RAB31: variants seen among roughly 807,000 people sequenced by gnomAD.
The protein encoded by RAB31 is ras-related protein Rab-31.
In RAB31, 21 loss-of-function variants were observed where a neutral mutation model predicts 25.6. The observed-to-expected ratio is 0.82, with a 90% CI of 0.58 to 1.18. The LOEUF is 1.18. RAB31 is among the 50% of genes most tolerant of loss of function. The probability of loss-of-function intolerance (pLI) is 0.00; values close to 1 mark genes in which losing one functional copy is unlikely to be tolerated. For synonymous variants in RAB31, 87 were observed against 84.0 expected, an observed-to-expected ratio of 1.04 and a Z score of -0.20; for missense variants, 196 against 250.1, an observed-to-expected ratio of 0.78 and a Z score of 1.46.
In RAB31 at chr18:9,792,235, G is replaced by T. The variant is rs1299138415; in HGVS notation, c.201G>T (p.Arg67=). The T allele has an allele frequency of 9.9e-6, 16 of 1,610,346 alleles. No individual in the cohort carries two copies. The highest frequency in any genetic ancestry group is 1.4e-5 in the Non-Finnish European group (16 of 1,178,314). The change falls in exon 3 of 7, where the codon CGG becomes CGT. Residue 67 remains arginine, a splice_region_variant and synonymous_variant. Coordinates refer to ENST00000578921, the MANE Select transcript of RAB31 (RefSeq NM_006868.4). Reference sequence around the variant, plus strand: ...TCTGGGACACTGCTGGTCAGGAACGGGTGAGTATATGCTGTTTTTTGGTGA... The same window carrying T: ...TCTGGGACACTGCTGGTCAGGAACGTGTGAGTATATGCTGTTTTTTGGTGA... The part of the protein sequence containing the change: ...FLIWDTAGQE[R]FHSLAPMYYR...
intron 1 of RAB31, among the ~76,000 whole-genome samples, chr18:9,764,075 C>A (rs2068302147): frequency 6.6e-6 from 1 of 152,134 alleles, no homozygotes; most frequent in African/African-American, 2.4e-5. Context: ...AATAATCATT[C>A]TTTATTTACA....
chr18:9,815,050 T>A, intron 4 of RAB31, 66 bp from the exon 5 acceptor site: 1 of 1,185,128 alleles, frequency 8.4e-7, no homozygotes, highest in South Asian at 1.4e-5. Context: ...TGGGCTTGTA[T>A]TTCTGCTTAG....
chr18:9,747,496 T>C (rs2068211550), intron 1 of RAB31, among the ~76,000 whole-genome samples: 2 of 152,202 alleles, frequency 1.3e-5, no homozygotes. Context: ...CAAATTGTGA[T>C]ATAAACATAC....
At chr18:9,772,880 G>A (rs1014679652) in intron 1 of RAB31, among the ~76,000 whole-genome samples, 3 of 148,362 alleles carry the variant, frequency 2.0e-5, no homozygotes, top group Non-Finnish European at 4.4e-5. Flanking sequence ...CCTCCACAGG[G>A]GGTCTTAAGA....
chr18:9,716,596 C>G (rs536149554), intron 1 of RAB31, among the ~76,000 whole-genome samples: 36 of 152,208 alleles, frequency 2.4e-4, no homozygotes, highest in Admixed American at 1.9e-3. Context: ...AGGATGGAGG[C>G]GTCTGCCTCT....
At chr18:9,735,003 G>A (rs34735184) in intron 1 of RAB31, 34,496 of 205,386 alleles carry the variant, frequency 0.17, 3,799 homozygotes, top group Non-Finnish European at 0.24. Flanking sequence ...GTGGTTTTTT[G>A]TTGTCGTCGT....
intron 5 of RAB31, among the ~76,000 whole-genome samples, chr18:9,840,017 G>A (rs992984308): frequency 6.6e-6 from 1 of 152,158 alleles, no homozygotes; most frequent in Non-Finnish European, 1.5e-5. Context: ...CACTCAGCCT[G>A]ACTGGAGCTG....
chr18:9,858,007 G>A (rs2068827884), intron 6 of RAB31, among the ~76,000 whole-genome samples: 1 of 152,130 alleles, frequency 6.6e-6, no homozygotes, highest in African/African-American at 2.4e-5. Flanking sequence ...TTCAGCCTGG[G>A]TGACAGAGTG....
chr18:9,839,491 G>A (rs1379453429), intron 5 of RAB31, among the ~76,000 whole-genome samples: 1 of 152,288 alleles, frequency 6.6e-6, no homozygotes, highest in Non-Finnish European at 1.5e-5. Flanking sequence ...AGGCAATTGC[G>A]GGTGTCCCTG....
intron 1 of RAB31, among the ~76,000 whole-genome samples, chr18:9,742,173 G>A (rs989912860): frequency 6.6e-6 from 1 of 152,198 alleles, no homozygotes; most frequent in South Asian, 2.1e-4. Flanking sequence ...GATTGAAGGC[G>A]GTCTTTCAAA....
intron 3 of RAB31, among the ~76,000 whole-genome samples, chr18:9,804,099 G>A (rs1350218084): frequency 3.3e-5 from 5 of 152,256 alleles, no homozygotes; most frequent in African/African-American, 1.2e-4. Flanking sequence ...CGGCCAGAGG[G>A]GAAAGCCTCA....
chr18:9,783,000 A>C (rs1402860234), intron 2 of RAB31, among the ~76,000 whole-genome samples: 1 of 152,236 alleles, frequency 6.6e-6, no homozygotes, highest in Non-Finnish European at 1.5e-5. Flanking sequence ...ATCTCAGTCA[A>C]CAAAAAAAAG....
At chr18:9,732,906 C>A (rs548819149) in intron 1 of RAB31, among the ~76,000 whole-genome samples, 1 of 152,060 alleles carries the variant, frequency 6.6e-6, no homozygotes, top group Non-Finnish European at 1.5e-5. Flanking sequence ...TGGAGCATGA[C>A]CTATATTGAA....
intron 1 of RAB31, among the ~76,000 whole-genome samples, chr18:9,734,620 C>G (rs963156214): frequency 2.6e-5 from 4 of 151,988 alleles, no homozygotes; most frequent in African/African-American, 9.7e-5. Context: ...GAAAGGATCC[C>G]GGATACGATG....
At chr18:9,833,700 T>C (rs1039047805) in intron 5 of RAB31, among the ~76,000 whole-genome samples, 5 of 152,200 alleles carry the variant, frequency 3.3e-5, no homozygotes, top group Admixed American at 3.3e-4. Flanking sequence ...TTCATTTTCG[T>C]TTAGAAAAAG....
At chr18:9,746,508 T>C (rs1353272718) in intron 1 of RAB31, among the ~76,000 whole-genome samples, 1 of 145,228 alleles carries the variant, frequency 6.9e-6, no homozygotes, top group Non-Finnish European at 1.5e-5. Flanking sequence ...ACTTCCTGAT[T>C]TCAAAACTTA....
intron 3 of RAB31, among the ~76,000 whole-genome samples, chr18:9,801,543 A>G (rs962385692): frequency 5.3e-5 from 8 of 152,062 alleles, no homozygotes; most frequent in Non-Finnish European, 1.0e-4. Context: ...GGCCTCCCAA[A>G]GTGTTGGGAT....
intron 5 of RAB31, among the ~76,000 whole-genome samples, chr18:9,834,198 C>T (rs557894663): frequency 2.0e-5 from 3 of 152,156 alleles, no homozygotes; most frequent in Admixed American, 6.5e-5. Context: ...TCCCTGCAAC[C>T]TGCGCCTCCC....
At chr18:9,771,946 G>A (rs1433132666) in intron 1 of RAB31, among the ~76,000 whole-genome samples, 1 of 152,232 alleles carries the variant, frequency 6.6e-6, no homozygotes, top group African/African-American at 2.4e-5. Context: ...TGAAAAATCA[G>A]TGCTTATATC....
Sources: gnomAD v4.1 joint callset for allele counts (sites outside exome capture counted in the v4.1 genomes callset) on GRCh38, gnomAD v4.1.1 for gene constraint, MANE v1.5 for transcripts, NCBI Gene and HGNC (gene_info 2026-07-23, HGNC 2026-07-21) for gene names.